ELMO1: variants seen among roughly 807,000 people sequenced by gnomAD.
ELMO1 encodes the protein engulfment and cell motility 1, also known as engulfment and cell motility protein 1.
ELMO1 carries 26 observed loss-of-function variants against 98.9 expected under a neutral mutation model. The observed-to-expected ratio is 0.26, with a 90% CI of 0.19 to 0.36. The LOEUF (loss-of-function observed/expected upper bound fraction) is 0.36. Among genes scored for constraint, ELMO1 ranks in the 10% least tolerant of loss-of-function variants. ELMO1 has a pLI of 1.00. For synonymous variants in ELMO1, 346 were observed against 346.0 expected (o/e 1.00, Z 0.00); for missense variants, 627 against 935.2 (o/e 0.67, Z 4.30).
At chr7:37,320,536 C>T (rs544758285) in intron 2 of ELMO1, among the ~76,000 whole-genome samples, 2 of 152,322 alleles carry the variant, frequency 1.3e-5, no homozygotes, top group East Asian at 3.9e-4. Flanking sequence ...ATATCCATGT[C>T]AAAGCCACCT....
At chr7:37,232,190 T>G (rs1453503695) in intron 8 of ELMO1, among the ~76,000 whole-genome samples, 1 of 152,220 alleles carries the variant, frequency 6.6e-6, no homozygotes, top group African/African-American at 2.4e-5. Context: ...CAAGTGACTC[T>G]TAATGGATTT....
rs574006117 is a variant in ELMO1 at position 37,257,189 on chromosome 7, C to T, written c.413+1992G>A. 7.9e-5 allele frequency among the ~76,000 whole-genome samples: 12 copies of T among 152,318 alleles called. No homozygotes were observed. The East Asian group carries it at 2.3e-3, about 29-fold the overall frequency. ...GGCTCCTGACGCTCCACAGTCACAC[C>T]AGAGAGCAAGCTCCCCGGCAGGAAG... On this transcript the variant is annotated intron_variant, in intron 6 of 21. Transcript: ENST00000310758.
chr7:37,372,141 A>T (rs1178860648), intron 1 of ELMO1, among the ~76,000 whole-genome samples: 4 of 152,178 alleles, frequency 2.6e-5, no homozygotes, highest in Non-Finnish European at 5.9e-5. Context: ...TAAAAAAAAA[A>T]AGATAGCACA....
chr7:37,302,915 G>A (rs1798421163), intron 4 of ELMO1, among the ~76,000 whole-genome samples: 1 of 152,158 alleles, frequency 6.6e-6, no homozygotes, highest in Non-Finnish European at 1.5e-5. Context: ...TAATGTTACT[G>A]AGTGTCACCT....
chr7:37,081,534 T>C (rs1289823739), intron 15 of ELMO1, among the ~76,000 whole-genome samples: 2 of 152,224 alleles, frequency 1.3e-5, no homozygotes, highest in East Asian at 1.9e-4. Flanking sequence ...CAGTGGGAGA[T>C]AACTGAAACA....
intron 2 of ELMO1, among the ~76,000 whole-genome samples, chr7:37,340,330 T>C (rs1220850304): frequency 6.6e-6 from 1 of 152,198 alleles, no homozygotes; most frequent in Non-Finnish European, 1.5e-5. Flanking sequence ...CTCCATCAAA[T>C]GGTTCAGAAA....
intron 13 of ELMO1, among the ~76,000 whole-genome samples, chr7:37,178,036 C>T (rs1235800683): frequency 2.6e-5 from 4 of 151,814 alleles, no homozygotes; most frequent in Admixed American, 2.0e-4. Flanking sequence ...CCAAGGAACA[C>T]CCAGATAGCT....
chr7:37,209,843 C>T (rs1040899454), intron 13 of ELMO1, among the ~76,000 whole-genome samples: 12 of 152,056 alleles, frequency 7.9e-5, no homozygotes, highest in South Asian at 2.1e-4. Context: ...ACATTTTTTG[C>T]TAAAATTTTA....
intron 15 of ELMO1, among the ~76,000 whole-genome samples, chr7:37,095,425 G>C (rs1393010106): frequency 2.0e-5 from 3 of 152,186 alleles, no homozygotes; most frequent in African/African-American, 7.2e-5. Context: ...TCAAGTCAAG[G>C]ATCCATGTAA....
chr7:36,939,878 A>C (rs1287589084), intron 16 of ELMO1, among the ~76,000 whole-genome samples: 1 of 152,256 alleles, frequency 6.6e-6, no homozygotes, highest in Non-Finnish European at 1.5e-5. Context: ...TTCCTGTTTT[A>C]TTCTTCACAA....
chr7:36,954,896 A>G (rs558015965), intron 16 of ELMO1, among the ~76,000 whole-genome samples: 2 of 152,180 alleles, frequency 1.3e-5, no homozygotes, highest in Admixed American at 1.3e-4. Context: ...TGATGTTTTT[A>G]CAAGCGTACC....
At chr7:37,084,247 G>T (rs1783638274) in intron 15 of ELMO1, among the ~76,000 whole-genome samples, 1 of 152,150 alleles carries the variant, frequency 6.6e-6, no homozygotes, top group Admixed American at 6.5e-5. Context: ...AAGAAAACAA[G>T]AATGTTGTTT....
chr7:37,164,365 G>T (rs1028431628), intron 13 of ELMO1, among the ~76,000 whole-genome samples: 1 of 151,784 alleles, frequency 6.6e-6, no homozygotes, highest in Non-Finnish European at 1.5e-5. Flanking sequence ...GTCAATTTTG[G>T]CTTTTGTTGC....
At chr7:37,072,511 A>G (rs1797334413) in intron 15 of ELMO1, among the ~76,000 whole-genome samples, 1 of 152,186 alleles carries the variant, frequency 6.6e-6, no homozygotes, top group African/African-American at 2.4e-5. Flanking sequence ...TGAAAACACA[A>G]TATAGGTCCC....
At chr7:36,933,439 TAGTTCCTGCTA>T (rs941979685) in intron 16 of ELMO1, among the ~76,000 whole-genome samples, 2 of 152,218 alleles carry the variant, frequency 1.3e-5, no homozygotes, top group African/African-American at 4.8e-5. Flanking sequence ...AGACGAATAG[TAGTTCCTGCTA>T]AGCCTCTAAG....
intron 1 of ELMO1, among the ~76,000 whole-genome samples, chr7:37,346,710 T>C (rs1006002569): frequency 6.6e-6 from 1 of 152,198 alleles, no homozygotes; most frequent in Non-Finnish European, 1.5e-5. Context: ...AAAGAAAGCA[T>C]ACACAATCGT....
chr7:37,086,036 T>C (rs1783748793), intron 15 of ELMO1, among the ~76,000 whole-genome samples: 1 of 152,150 alleles, frequency 6.6e-6, no homozygotes, highest in Non-Finnish European at 1.5e-5. Flanking sequence ...TGGGAAGAAT[T>C]AGGCGGCAGT....
intron 1 of ELMO1, among the ~76,000 whole-genome samples, chr7:37,434,756 C>T (rs1235723611): frequency 6.6e-6 from 1 of 152,218 alleles, no homozygotes; most frequent in Non-Finnish European, 1.5e-5. Context: ...GTTCCTGCAA[C>T]ATCCAAGGTC....
rs1278342512 is a variant in ELMO1 at position 36,854,572 on chromosome 7, G to C, written c.*979C>G. ...AAAAAAAAACTAACCCAAAACTCTT[G>C]CAAATTGTAAATACCAGTAATAATT... On this transcript the variant is annotated 3_prime_UTR_variant, in exon 22 of 22. Transcript: ENST00000310758. The C allele has an allele frequency of 6.7e-6, 1 of 148,916 alleles. No individual in the cohort carries two copies. The highest frequency in any genetic ancestry group is 1.5e-5 in the Non-Finnish European group (1 of 67,382). The allele number at this position is 148,916 out of a possible 1,614,324, so 9.2% of individuals were successfully genotyped here.
Sources: allele counts gnomAD v4.1 joint callset (sites outside exome capture counted in the v4.1 genomes callset), GRCh38; gene constraint gnomAD v4.1.1; transcripts MANE v1.5; gene names NCBI Gene and HGNC (gene_info 2026-07-23, HGNC 2026-07-21).